The following SGCZ variants were observed in gnomAD, a reference collection of about 807,000 sequenced individuals.
The protein encoded by SGCZ is zeta-sarcoglycan.
In SGCZ, 40 loss-of-function variants were observed where a neutral mutation model predicts 41.3. The ratio of observed to expected loss-of-function variants is 0.97; its 90% CI spans 0.75 to 1.26. The LOEUF (loss-of-function observed/expected upper bound fraction) is 1.26, where lower values mean the gene tolerates loss of function less well. SGCZ is among the 50% of genes most tolerant of loss of function. The pLI, the probability that SGCZ is intolerant of heterozygous loss-of-function variation, is 0.00. For missense variants in SGCZ, 552 were observed against 369.8 expected (o/e 1.49, Z -4.04); for synonymous variants, 206 against 137.5 (o/e 1.50, Z -3.49).
chr8:14,859,374 G>C (rs1161922349), intron 1 of SGCZ, among the ~76,000 whole-genome samples: 1 of 151,744 alleles, frequency 6.6e-6, no homozygotes, highest in East Asian at 1.9e-4. Context: ...CATAACTTTT[G>C]TACTGTCATT....
At chr8:14,425,135 G>A (rs1392927574) in intron 2 of SGCZ, among the ~76,000 whole-genome samples, 1 of 152,034 alleles carries the variant, frequency 6.6e-6, no homozygotes, top group Non-Finnish European at 1.5e-5. Flanking sequence ...ACATTAGCCA[G>A]AGCTTTCTAA....
intron 3 of SGCZ, among the ~76,000 whole-genome samples, chr8:14,302,762 A>G (rs1429639722): frequency 6.6e-6 from 1 of 152,160 alleles, no homozygotes; most frequent in East Asian, 1.9e-4. Context: ...CACCGACCCT[A>G]AATTTTTTTC....
Position 14,563,949 on chromosome 8 carries a change from G to A in SGCZ, c.40-9023C>T, listed in dbSNP as rs116950590. The stretch of plus-strand genomic sequence containing the variant: ...GTAAACCCTGAATATAATGAGGAGA[G>A]ACATGCACAAATGTTGGAGGTAAAC... On this transcript the variant is annotated intron_variant, in intron 1 of 7. Coordinates refer to ENST00000382080, the MANE Select transcript of SGCZ (RefSeq NM_139167.4). 4.3e-4 allele frequency among the ~76,000 whole-genome samples: 65 copies of A among 152,090 alleles called. 1 individual carries two copies. Among genetic ancestry groups the A allele is most frequent in the Non-Finnish European group, 7.6e-4 (52 of 67,994 alleles).
chr8:15,232,464 T>C, intron 1 of SGCZ, among the ~76,000 whole-genome samples: 1 of 152,066 alleles, frequency 6.6e-6, no homozygotes, highest in Non-Finnish European at 1.5e-5. Context: ...TAGTCATTTG[T>C]CCAACTTCCC....
At chr8:14,820,711 G>A (rs1802050227) in intron 1 of SGCZ, among the ~76,000 whole-genome samples, 1 of 151,862 alleles carries the variant, frequency 6.6e-6, no homozygotes. Context: ...CAATAACATG[G>A]AAATTAAACA....
At chr8:14,993,119 T>C (rs1237267074) in intron 1 of SGCZ, among the ~76,000 whole-genome samples, 1 of 152,186 alleles carries the variant, frequency 6.6e-6, no homozygotes, top group Non-Finnish European at 1.5e-5. Context: ...TTCTCCCAAA[T>C]ATTATAAAAT....
At position 15,225,818 on chromosome 8, in the gene SGCZ, A is replaced by T. The variant is rs139787688; in HGVS notation, c.39+11767T>A. ...AATGTGTCTCTGGAGAATCATGAAC[A>T]GGTCTTGCCTCCTAGAATCTGCCAC... is the stretch of plus-strand genomic sequence containing the variant. On this transcript the variant is annotated intron_variant, in intron 1 of 7. Coordinates refer to ENST00000382080, the MANE Select transcript of SGCZ (RefSeq NM_139167.4). Among the ~76,000 whole-genome samples the T allele has an allele frequency of 7.3e-3, 1,110 of 152,284 alleles. 5 individuals are homozygous for T. Among genetic ancestry groups the T allele is most frequent in the Middle Eastern group, 0.017 (5 of 294 alleles).
chr8:15,152,305 A>G (rs1799200183), intron 1 of SGCZ, among the ~76,000 whole-genome samples: 1 of 152,240 alleles, frequency 6.6e-6, no homozygotes. Flanking sequence ...AAAATATGTA[A>G]AAACAAGGAT....
rs533003737 is a variant in SGCZ, at chr8:14,794,737, T to C, written c.40-239811A>G. Reference sequence around the variant, plus strand: ...ATAGGCTCACGAAAAGACATAGCATTGGGAATTTTCAGAACTTGGTTATAA... The same window carrying C: ...ATAGGCTCACGAAAAGACATAGCATCGGGAATTTTCAGAACTTGGTTATAA... On this transcript the variant is annotated intron_variant, in intron 1 of 7. Coordinates refer to ENST00000382080, the MANE Select transcript of SGCZ (RefSeq NM_139167.4). Among the ~76,000 whole-genome samples the C allele has an allele frequency of 3.3e-5, 5 of 152,260 alleles. No individual in the cohort carries two copies. The East Asian group carries it at 9.7e-4, about 29-fold the overall frequency.
chr8:14,871,078 A>T (rs1804132185), intron 1 of SGCZ, among the ~76,000 whole-genome samples: 1 of 152,054 alleles, frequency 6.6e-6, no homozygotes, highest in Admixed American at 6.6e-5. Context: ...GTGGTGGCGC[A>T]TGCCTGTAAT....
chr8:14,158,453 T>C lies in SGCZ; in HGVS notation c.547+6127A>G, dbSNP rs546325424. 2.4e-4 allele frequency among the ~76,000 whole-genome samples: 37 copies of C among 152,136 alleles called. No individual in the cohort carries two copies. In the South Asian group the frequency reaches 3.5e-3, roughly 15 times the overall value. On this transcript the variant is annotated intron_variant, in intron 5 of 7. Coordinates refer to ENST00000382080, the MANE Select transcript of SGCZ (RefSeq NM_139167.4). The stretch of plus-strand genomic sequence containing the variant: ...CTGACTAGATGGTGCCCACCTAGAT[T>C]GAGGGTTAGTCTGCCTCTCCCAGTC...
intron 3 of SGCZ, among the ~76,000 whole-genome samples, chr8:14,278,240 T>C (rs1800302313): frequency 6.6e-6 from 1 of 152,196 alleles, no homozygotes; most frequent in South Asian, 2.1e-4. Context: ...GCTTCAGCCA[T>C]CTGGCCCCTC....
chr8:14,592,055 T>G (rs746913148), intron 1 of SGCZ, among the ~76,000 whole-genome samples: 1 of 152,168 alleles, frequency 6.6e-6, no homozygotes, highest in Non-Finnish European at 1.5e-5. Context: ...CATTATATCA[T>G]CTCCCAAAAT....
In SGCZ at chr8:14,976,413, T is replaced by C. The variant is rs543390865; in HGVS notation, c.39+261172A>G. Reference sequence around the variant, plus strand: ...TCTAAATGTGCAAAATCTTATATACTAATATTCCCTGTGACCTAATATTAC... The same window carrying C: ...TCTAAATGTGCAAAATCTTATATACCAATATTCCCTGTGACCTAATATTAC... On this transcript the variant is annotated intron_variant, in intron 1 of 7. Transcript: ENST00000382080. 2.0e-5 allele frequency among the ~76,000 whole-genome samples: 3 copies of C among 152,292 alleles called. No individual in the cohort carries two copies. In the East Asian group the frequency reaches 5.8e-4, roughly 29 times the overall value.
rs1231492198 is a variant in SGCZ, at chr8:14,089,425, G to A, written c.*1018C>T. 1.3e-5 allele frequency among the ~76,000 whole-genome samples: 2 copies of A among 151,838 alleles called. No homozygotes were observed. Among genetic ancestry groups the A allele is most frequent in the Non-Finnish European group, 2.9e-5 (2 of 67,904 alleles). ...ATAATTCTGAAGATGATACCCCAATGGAAAGAGAATTTATTCTCAGCATTA... is the reference window on the plus strand; with the variant it reads ...ATAATTCTGAAGATGATACCCCAATAGAAAGAGAATTTATTCTCAGCATTA... On this transcript the variant is annotated 3_prime_UTR_variant, in exon 8 of 8. Coordinates refer to ENST00000382080, the MANE Select transcript of SGCZ (RefSeq NM_139167.4).
intron 1 of SGCZ, among the ~76,000 whole-genome samples, chr8:14,889,223 A>T (rs1372240074): frequency 6.6e-6 from 1 of 152,114 alleles, no homozygotes; most frequent in Non-Finnish European, 1.5e-5. Context: ...TTGAGGCAAG[A>T]AACTATTTTT....
intron 5 of SGCZ, among the ~76,000 whole-genome samples, chr8:14,152,952 A>G (rs965533324): frequency 3.9e-4 from 60 of 152,256 alleles, no homozygotes; most frequent in Non-Finnish European, 7.9e-4. Context: ...TATGATTCTG[A>G]ATATAACATT....
chr8:14,218,955 G>C (rs1806094918), intron 4 of SGCZ, among the ~76,000 whole-genome samples: 1 of 152,210 alleles, frequency 6.6e-6, no homozygotes, highest in South Asian at 2.1e-4. Context: ...CGGAGAAATT[G>C]CCAAAGAACT....
intron 1 of SGCZ, among the ~76,000 whole-genome samples, chr8:14,871,818 G>C (rs1047805420): frequency 4.0e-5 from 6 of 148,664 alleles, no homozygotes; most frequent in African/African-American, 1.3e-4. Context: ...TGTATAATAT[G>C]TGTGTGTATA....
Sources: allele counts gnomAD v4.1 joint callset (sites outside exome capture counted in the v4.1 genomes callset), GRCh38; gene constraint gnomAD v4.1.1; transcripts MANE v1.5; gene names NCBI Gene and HGNC (gene_info 2026-07-23, HGNC 2026-07-21).